Variants in SLC35F2 observed in about 807,000 individuals in gnomAD.
The protein encoded by SLC35F2 is queuine/queuosine transporter SLC35F2.
SLC35F2 carries 25 observed loss-of-function variants against 38.1 expected under a neutral mutation model. The observed-to-expected ratio is 0.66, with a 90% confidence interval of 0.48 to 0.92. The LOEUF (loss-of-function observed/expected upper bound fraction) is 0.92. Among genes scored for constraint, SLC35F2 ranks in the 40% least tolerant of loss-of-function variants. The pLI is 0.00. For synonymous variants in SLC35F2, 173 were observed against 181.7 expected (o/e 0.95, Z 0.38); for missense variants, 409 against 452.9 (o/e 0.90, Z 0.88).
At chr11:107,828,625 T>A (rs1378139912) in intron 1 of SLC35F2, among the ~76,000 whole-genome samples, 2 of 152,126 alleles carry the variant, frequency 1.3e-5, no homozygotes, top group Middle Eastern at 3.2e-3. Context: ...GAGTTTGTCC[T>A]TGTGGAAATA....
In SLC35F2 at chr11:107,792,685, C is replaced by G. The variant is rs777007866; in HGVS notation, c.1055G>C (p.Ser352Thr). Reference sequence around the variant, plus strand: ...CAGCCCCAGGTTGTCAATCCCAATGCTGGTGACTGGAGGCACGCTGCTTTC... The same window carrying G: ...CAGCCCCAGGTTGTCAATCCCAATGGTGGTGACTGGAGGCACGCTGCTTTC... ...PAESSVPPVT[S>T]IGIDNLGLKL... Residue 352 changes from serine (S) to threonine (T), a missense_variant, in exon 8 of 8, where the codon AGC becomes ACC. Coordinates refer to ENST00000525815, the MANE Select transcript of SLC35F2 (RefSeq NM_017515.5). 1.9e-6 allele frequency: 3 copies of G among 1,613,806 alleles called. No individual in the cohort carries two copies. Among genetic ancestry groups the G allele is most frequent in the African/African-American group, 1.3e-5 (1 of 74,906 alleles).
intron 6 of SLC35F2, among the ~76,000 whole-genome samples, chr11:107,803,776 A>AACACAC (rs71047623): frequency 0.042 from 6,303 of 149,530 alleles, 190 homozygotes; most frequent in African/African-American, 0.082. Context: ...TCCCATACTC[A>AACACAC]ACACACACAC....
intron 1 of SLC35F2, among the ~76,000 whole-genome samples, chr11:107,835,475 C>T (rs1859917002): frequency 6.6e-6 from 1 of 151,282 alleles, no homozygotes; most frequent in South Asian, 2.1e-4. Flanking sequence ...AGGTTTCTGT[C>T]GCCCAAACTG....
chr11:107,843,545 T>C (rs1243214970), intron 1 of SLC35F2, among the ~76,000 whole-genome samples: 2 of 143,086 alleles, frequency 1.4e-5, no homozygotes, highest in East Asian at 2.1e-4. Context: ...AGCGAAACTT[T>C]GTCTCAAAAA....
chr11:107,838,625 C>T (rs1206516762), intron 1 of SLC35F2, among the ~76,000 whole-genome samples: 1 of 96,614 alleles, frequency 1.0e-5, no homozygotes, highest in African/African-American at 5.1e-5. Flanking sequence ...TTGCCCGGCC[C>T]TCTTTTTTTT....
At chr11:107,834,604 C>T (rs1036744330) in intron 1 of SLC35F2, among the ~76,000 whole-genome samples, 3 of 152,052 alleles carry the variant, frequency 2.0e-5, no homozygotes, top group Non-Finnish European at 4.4e-5. Context: ...GAGCCGAGAT[C>T]GCGCTATTGC....
chr11:107,835,177 T>G (rs1859911380), intron 1 of SLC35F2, among the ~76,000 whole-genome samples: 1 of 152,222 alleles, frequency 6.6e-6, no homozygotes, highest in African/African-American at 2.4e-5. Context: ...AAACAGCCAC[T>G]TAAGGTATTT....
intron 1 of SLC35F2, among the ~76,000 whole-genome samples, chr11:107,822,179 G>C (rs888159920): frequency 4.6e-5 from 7 of 152,100 alleles, no homozygotes; most frequent in Non-Finnish European, 4.4e-5. Context: ...GGAGGCAGAG[G>C]CTGCAGATCA....
At chr11:107,842,124 G>A (rs980132859) in intron 1 of SLC35F2, among the ~76,000 whole-genome samples, 1 of 150,624 alleles carries the variant, frequency 6.6e-6, no homozygotes, top group Non-Finnish European at 1.5e-5. Flanking sequence ...AAAATTAGCT[G>A]GGCGTGGTGG....
chr11:107,823,161 TC>T, intron 1 of SLC35F2: 1 of 985,358 alleles, frequency 1.0e-6, no homozygotes, highest in Non-Finnish European at 1.2e-6. Context: ...TGGATCAGAT[TC>T]TCAGAGGGTA....
chr11:107,837,138 A>G (rs369119148), intron 1 of SLC35F2, among the ~76,000 whole-genome samples: 1 of 152,200 alleles, frequency 6.6e-6, no homozygotes, highest in Non-Finnish European at 1.5e-5. Context: ...ATTATGTCCC[A>G]TGTGACTTAG....
chr11:107,813,501 T>C (rs1250395918), intron 2 of SLC35F2, among the ~76,000 whole-genome samples: 2 of 151,998 alleles, frequency 1.3e-5, no homozygotes, highest in Non-Finnish European at 2.9e-5. Flanking sequence ...AACACAGAAT[T>C]AGTCTTCCTC....
Position 107,828,321 on chromosome 11 carries a change from C to G in SLC35F2, c.111-12356G>C, listed in dbSNP as rs193208004. Among the ~76,000 whole-genome samples, 459 of 151,694 alleles carry G rather than the reference C, an allele frequency of 3.0e-3. 5 individuals are homozygous for G. Among genetic ancestry groups the G allele is most frequent in the African/African-American group, 0.011 (437 of 41,338 alleles). ...CAGTGGCGGGAGCCTGTAATCCCAG[C>G]TACTCAGGAGGCTGAGGCAGGAGAA... On this transcript the variant is annotated intron_variant, in intron 1 of 7. Transcript: ENST00000525815.
At position 107,858,413 on chromosome 11, in the gene SLC35F2, T is replaced by C. The variant is rs1591216134; in HGVS notation, c.110+245A>G. 1.9e-5 allele frequency: 7 copies of C among 361,034 alleles called. No individual in the cohort carries two copies. In the East Asian group the frequency reaches 2.9e-4, roughly 15 times the overall value. The allele number at this position is 361,034 out of a possible 1,614,324, so 22.4% of individuals were successfully genotyped here. A position where few individuals can be genotyped will look rare whatever the true frequency, so the allele number is the denominator to read the frequency against. ...GCCACAGGGTGGGTTTCCCCCCAAA[T>C]CCTCCAAAATACATCGCCACGATTT... On this transcript the variant is annotated intron_variant, in intron 1 of 7. Transcript: ENST00000525815.
At chr11:107,857,202 C>T (rs911554404) in intron 1 of SLC35F2, among the ~76,000 whole-genome samples, 2 of 100,428 alleles carry the variant, frequency 2.0e-5, no homozygotes, top group South Asian at 3.8e-4. Flanking sequence ...CGGACACGGA[C>T]GGAAGGAAGG....
intron 7 of SLC35F2, among the ~76,000 whole-genome samples, chr11:107,799,515 T>C (rs1416204109): frequency 6.6e-6 from 1 of 152,166 alleles, no homozygotes; most frequent in African/African-American, 2.4e-5. Flanking sequence ...TCTATGACAA[T>C]TTGGCTCTCA....
At chr11:107,809,974 ACAT>A in intron 3 of SLC35F2, 1 of 985,412 alleles carries the variant, frequency 1.0e-6, no homozygotes, top group Non-Finnish European at 1.2e-6. Context: ...AACCTGGGCC[ACAT>A]CATCATCTTC....
intron 1 of SLC35F2, among the ~76,000 whole-genome samples, chr11:107,829,032 T>A (rs1249377184): frequency 6.7e-6 from 1 of 149,434 alleles, no homozygotes; most frequent in Admixed American, 6.8e-5. Flanking sequence ...TGCTTGAACC[T>A]GGCAGGAGGA....
rs557786180 is a variant in SLC35F2, at chr11:107,811,681, G to C, written c.400C>G (p.Leu134Val). Residue 134 changes from leucine to valine, a missense_variant, in exon 3 of 8, where the codon CTA (leucine) becomes GTA (valine). Transcript: ENST00000525815. ...VIVRAYQYTT[L>V]TSVQLLDCFG... ...CTCCCTCTTACCTGGACACTGGTTA[G>C]AGTTGTGTACTGGTAGGCTCTGACG... 22 of 1,613,374 alleles carry C rather than the reference G, an allele frequency of 1.4e-5. No individual in the cohort carries two copies. The East Asian group carries it at 2.9e-4, about 21-fold the overall frequency.
Sources: gnomAD v4.1 joint callset for allele counts (sites outside exome capture counted in the v4.1 genomes callset) on GRCh38, gnomAD v4.1.1 for gene constraint, MANE v1.5 for transcripts, NCBI Gene and HGNC (gene_info 2026-07-23, HGNC 2026-07-21) for gene names.